RFX3: variants seen among roughly 807,000 people sequenced by gnomAD.
RFX3 encodes the protein transcription factor RFX3.
In RFX3, 14 loss-of-function variants were observed where a neutral mutation model predicts 98.6. The ratio of observed to expected loss-of-function variants is 0.14; its 90% CI spans 0.09 to 0.22. RFX3 has a LOEUF of 0.22. Among genes scored for constraint, RFX3 ranks in the 10% least tolerant of loss-of-function variants. The probability of loss-of-function intolerance (pLI) is 1.00; values close to 1 mark genes in which losing one functional copy is unlikely to be tolerated. For missense variants in RFX3, 639 were observed against 926.9 expected, an observed-to-expected ratio of 0.69 and a Z score of 4.03; for synonymous variants, 383 against 328.4, an observed-to-expected ratio of 1.17 and a Z score of -1.80.
intron 1 of RFX3, among the ~76,000 whole-genome samples, chr9:3,429,955 C>G (rs1029832512): frequency 6.6e-6 from 1 of 152,180 alleles, no homozygotes; most frequent in African/African-American, 2.4e-5. Context: ...ATCCCATTGA[C>G]AACTCTTAAA....
At position 3,465,800 on chromosome 9, in the gene RFX3, G is replaced by A. The variant is rs142117104; in HGVS notation, c.-9+59947C>T. Among the ~76,000 whole-genome samples the A allele has an allele frequency of 2.8e-3, 421 of 152,110 alleles. 3 individuals are homozygous for A. The highest frequency in any genetic ancestry group is 9.8e-3 in the African/African-American group (408 of 41,492). On this transcript the variant is annotated intron_variant, in intron 1 of 16. Transcript: ENST00000617270. ...GAGCAGTGAGTGGTAAAGATAGTAA[G>A]TATTGCTATGGTGAAAAAAAGAAAA...
chr9:3,504,848 ATTATATATGATATAATATATATTATAT>A (rs1240519230), intron 1 of RFX3, among the ~76,000 whole-genome samples: 1,466 of 83,646 alleles, frequency 0.018, 87 homozygotes, highest in African/African-American at 0.062. Flanking sequence ...AAATATATAT[ATTATATATGATATAATATATATTATAT>A]ATATTATATA....
At chr9:3,291,510 G>A (rs971061383) in intron 6 of RFX3, among the ~76,000 whole-genome samples, 1 of 152,090 alleles carries the variant, frequency 6.6e-6, no homozygotes, top group Non-Finnish European at 1.5e-5. Flanking sequence ...ACCCCTTTCT[G>A]TCCAATCATG....
chr9:3,329,873 C>T (rs1273755703), intron 4 of RFX3, among the ~76,000 whole-genome samples: 1 of 152,108 alleles, frequency 6.6e-6, no homozygotes, highest in Non-Finnish European at 1.5e-5. Context: ...AAATTCCAAG[C>T]TAAATTATAT....
chr9:3,309,198 C>T (rs1422487232), intron 4 of RFX3, among the ~76,000 whole-genome samples: 1 of 152,036 alleles, frequency 6.6e-6, no homozygotes, highest in Non-Finnish European at 1.5e-5. Flanking sequence ...AAGGGAACTT[C>T]CATGATTTCT....
intron 1 of RFX3, among the ~76,000 whole-genome samples, chr9:3,399,665 G>C (rs986634228): frequency 6.6e-5 from 10 of 151,780 alleles, no homozygotes; most frequent in African/African-American, 2.4e-4. Context: ...ATTGCTTTTT[G>C]AGGGGGCCGG....
At chr9:3,243,716 G>C (rs1820259055) in intron 15 of RFX3, among the ~76,000 whole-genome samples, 1 of 152,078 alleles carries the variant, frequency 6.6e-6, no homozygotes, top group Non-Finnish European at 1.5e-5. Flanking sequence ...CTTTTTGCTT[G>C]CTTATGAAAC....
intron 1 of RFX3, among the ~76,000 whole-genome samples, chr9:3,501,861 G>T (rs997129335): frequency 1.3e-5 from 2 of 151,584 alleles, no homozygotes; most frequent in South Asian, 2.1e-4. Flanking sequence ...CCTGCCCAAA[G>T]AAATTTTTAA....
chr9:3,235,637 T>G (rs1162999091), intron 15 of RFX3, among the ~76,000 whole-genome samples: 1 of 152,216 alleles, frequency 6.6e-6, no homozygotes, highest in East Asian at 1.9e-4. Context: ...TTTTTCAGCT[T>G]CTAGAGGTTG....
At chr9:3,463,145 G>A (rs1847861455) in intron 1 of RFX3, among the ~76,000 whole-genome samples, 1 of 152,082 alleles carries the variant, frequency 6.6e-6, no homozygotes, top group Non-Finnish European at 1.5e-5. Context: ...GTAAGACTTT[G>A]AGCTACAATA....
chr9:3,400,279 A>C, intron 1 of RFX3: 1 of 807,560 alleles, frequency 1.2e-6, no homozygotes, highest in Non-Finnish European at 1.5e-6. Context: ...ACTACTTAAT[A>C]GGAGGAATCT....
At chr9:3,286,931 C>G (rs942518856) in intron 7 of RFX3, among the ~76,000 whole-genome samples, 1 of 151,870 alleles carries the variant, frequency 6.6e-6, no homozygotes, top group East Asian at 1.9e-4. Flanking sequence ...AGCACTTTCT[C>G]TAGAAACTTC....
Position 3,475,347 on chromosome 9 carries a change from G to A in RFX3, c.-9+50400C>T, listed in dbSNP as rs184583417. 6.5e-3 allele frequency among the ~76,000 whole-genome samples: 987 copies of A among 151,758 alleles called. 9 individuals are homozygous for A. The highest frequency in any genetic ancestry group is 0.014 in the Middle Eastern group (4 of 294). Reference sequence around the variant, plus strand: ...CCCGGGGGACCGCAACCACCAAGACGCAGAGACCGGTAGTGGCCCCGAATG... The same window carrying A: ...CCCGGGGGACCGCAACCACCAAGACACAGAGACCGGTAGTGGCCCCGAATG... On this transcript the variant is annotated intron_variant, in intron 1 of 16. Transcript: ENST00000617270.
intron 1 of RFX3, among the ~76,000 whole-genome samples, chr9:3,466,188 C>A (rs2133133142): frequency 6.6e-6 from 1 of 152,252 alleles, no homozygotes; most frequent in South Asian, 2.1e-4. Context: ...TTTCATATAA[C>A]ATTATTTTAA....
chr9:3,335,779 T>C (rs914045620), intron 3 of RFX3, among the ~76,000 whole-genome samples: 4 of 152,212 alleles, frequency 2.6e-5, no homozygotes, highest in Non-Finnish European at 5.9e-5. Flanking sequence ...TCTTCATAGC[T>C]GACTCTATTA....
intron 4 of RFX3, among the ~76,000 whole-genome samples, chr9:3,317,182 T>A (rs1830716002): frequency 2.0e-5 from 3 of 152,040 alleles, no homozygotes; most frequent in African/African-American, 7.2e-5. Context: ...TATAGACCAA[T>A]GGAACAGAAT....
Position 3,275,539 on chromosome 9 carries a change from A to G in RFX3, c.1047T>C (p.Asp349=). 6.2e-7 allele frequency: 1 copy of G among 1,612,226 alleles called. No individual in the cohort carries two copies. The highest frequency in any genetic ancestry group is 8.5e-7 in the Non-Finnish European group (1 of 1,178,416). Residue 349 remains aspartate, a synonymous_variant, in exon 9 of 17, where the codon GAT becomes GAC. Transcript: ENST00000617270. ...SSLPDGTTFE[D]IKSLQSLYRE... is the part of the protein sequence containing the mutation. ...TATAAAGACTCTGCAGTGACTTGAT[A>G]TCCTCAAAGGTAGTACCATCTGGCA...
chr9:3,418,309 T>A (rs550311904), intron 1 of RFX3, among the ~76,000 whole-genome samples: 63 of 152,358 alleles, frequency 4.1e-4, no homozygotes, highest in African/African-American at 1.4e-3. Context: ...CAGTGCCTGA[T>A]GCATGGTAAG....
chr9:3,500,884 G>A (rs559765388), intron 1 of RFX3, among the ~76,000 whole-genome samples: 1 of 152,128 alleles, frequency 6.6e-6, no homozygotes, highest in African/African-American at 2.4e-5. Context: ...TTAAGGATCT[G>A]ATCTTAAAGA....
Sources: gnomAD v4.1 joint callset for allele counts (sites outside exome capture counted in the v4.1 genomes callset) on GRCh38, gnomAD v4.1.1 for gene constraint, MANE v1.5 for transcripts, NCBI Gene and HGNC (gene_info 2026-07-23, HGNC 2026-07-21) for gene names.